RARB: variants seen among roughly 807,000 people sequenced by gnomAD.
RARB encodes the protein retinoic acid receptor beta.
In RARB, 17 loss-of-function variants were observed where a neutral mutation model predicts 51.9. The ratio of observed to expected loss-of-function variants is 0.33; its 90% CI spans 0.22 to 0.49. The LOEUF is 0.49. Among genes scored for constraint, RARB ranks in the 20% least tolerant of loss-of-function variants. The pLI, the probability that RARB is intolerant of heterozygous loss-of-function variation, is 0.99. For synonymous variants in RARB, 215 were observed against 195.4 expected (o/e 1.10, Z -0.84); for missense variants, 369 against 550.8 (o/e 0.67, Z 3.30).
intron 5 of RARB, among the ~76,000 whole-genome samples, chr3:25,203,703 C>A (rs1480147209): frequency 6.6e-6 from 1 of 152,122 alleles, no homozygotes; most frequent in Non-Finnish European, 1.5e-5. Context: ...CTTAGTTTGG[C>A]TGGATATGAA....
At chr3:25,126,139 CT>C (rs1699856092) in intron 3 of RARB, among the ~76,000 whole-genome samples, 1 of 152,080 alleles carries the variant, frequency 6.6e-6, no homozygotes, top group Admixed American at 6.6e-5. Flanking sequence ...GCTCCTTTGC[CT>C]TTTTTTCATT....
intron 2 of RARB, among the ~76,000 whole-genome samples, chr3:25,017,378 T>TA (rs531591035): frequency 5.2e-4 from 77 of 147,506 alleles, no homozygotes; most frequent in African/African-American, 9.1e-4. Context: ...TCATCATGTT[T>TA]AAAAAAAAAA....
At chr3:25,562,538 G>A (rs2125680018) in intron 3 of RARB, among the ~76,000 whole-genome samples, 1 of 152,244 alleles carries the variant, frequency 6.6e-6, no homozygotes, top group East Asian at 1.9e-4. Flanking sequence ...AGCACCGCCG[G>A]GTATGAAGGA....
At chr3:25,445,516 A>G (rs1308679838) in intron 1 of RARB, among the ~76,000 whole-genome samples, 1 of 152,072 alleles carries the variant, frequency 6.6e-6, no homozygotes, top group Non-Finnish European at 1.5e-5. Flanking sequence ...AATACAAAAA[A>G]TTAACCTGGC....
At chr3:24,891,699 T>G (rs17015414) in intron 2 of RARB, among the ~76,000 whole-genome samples, 8,796 of 152,112 alleles carry the variant, frequency 0.058, 572 homozygotes, top group East Asian at 0.19. Flanking sequence ...CAGGGGACAT[T>G]AAAGAACAAG....
chr3:25,451,711 T>C (rs1436867316), intron 1 of RARB, among the ~76,000 whole-genome samples: 1 of 152,210 alleles, frequency 6.6e-6, no homozygotes, highest in Non-Finnish European at 1.5e-5. Context: ...TATTTCCCTT[T>C]TGGTTTTCTG....
intron 2 of RARB, among the ~76,000 whole-genome samples, chr3:24,957,002 G>C (rs1023732051): frequency 3.9e-5 from 6 of 152,190 alleles, no homozygotes; most frequent in African/African-American, 1.4e-4. Context: ...TTGAGGCAAA[G>C]GGGTGATCCT....
intron 2 of RARB, among the ~76,000 whole-genome samples, chr3:25,491,208 C>T (rs1031264060): frequency 3.9e-5 from 6 of 152,036 alleles, no homozygotes; most frequent in African/African-American, 9.7e-5. Flanking sequence ...TGTGCTGTTT[C>T]GAAGGAAATT....
intron 5 of RARB, among the ~76,000 whole-genome samples, chr3:25,282,296 C>A (rs916306034): frequency 7.2e-5 from 11 of 152,286 alleles, no homozygotes; most frequent in African/African-American, 2.6e-4. Context: ...TTTGCACTGA[C>A]CATTCCCTCT....
intron 2 of RARB, among the ~76,000 whole-genome samples, chr3:24,878,561 G>A (rs1232888030): frequency 6.6e-6 from 1 of 152,094 alleles, no homozygotes; most frequent in Non-Finnish European, 1.5e-5. Context: ...ATTGACATTT[G>A]GGGACAGGTA....
intron 5 of RARB, among the ~76,000 whole-genome samples, chr3:25,184,986 A>G (rs913914379): frequency 1.3e-5 from 2 of 152,220 alleles, no homozygotes; most frequent in Non-Finnish European, 2.9e-5. Flanking sequence ...TCCACTTACT[A>G]GCAAAAATCT....
At chr3:25,117,900 C>G (rs1043047753) in intron 3 of RARB, among the ~76,000 whole-genome samples, 2 of 152,122 alleles carry the variant, frequency 1.3e-5, no homozygotes, top group Non-Finnish European at 2.9e-5. Context: ...AATCAATAAA[C>G]AGATGAAGGA....
chr3:25,068,501 G>T (rs1298844470), intron 3 of RARB, among the ~76,000 whole-genome samples: 2 of 152,148 alleles, frequency 1.3e-5, no homozygotes, highest in East Asian at 1.9e-4. Flanking sequence ...TAAATAAAAA[G>T]ACTTAAATTA....
intron 5 of RARB, among the ~76,000 whole-genome samples, chr3:25,346,596 CTT>C (rs1705402135): frequency 6.6e-6 from 1 of 152,188 alleles, no homozygotes; most frequent in Admixed American, 6.5e-5. Context: ...TGGGACATCA[CTT>C]AAACTGTGCA....
rs1045441310 is a variant in RARB, at chr3:24,913,768, A to G, written c.-380+55016A>G. Reference sequence around the variant, plus strand: ...TCCCATATTTTGAACGTTTTTGGGGAAAAAGTTATCAAGATTAAGGATCAG... The same window carrying G: ...TCCCATATTTTGAACGTTTTTGGGGGAAAAGTTATCAAGATTAAGGATCAG... On this transcript the variant is annotated intron_variant, in intron 2 of 11. Transcript: ENST00000383772. 2.6e-5 allele frequency among the ~76,000 whole-genome samples: 4 copies of G among 152,296 alleles called. No homozygotes were observed. In the East Asian group the frequency reaches 7.7e-4, roughly 29 times the overall value.
chr3:24,947,139 T>C (rs1183119461), intron 2 of RARB, among the ~76,000 whole-genome samples: 2 of 152,168 alleles, frequency 1.3e-5, no homozygotes, highest in African/African-American at 4.8e-5. Flanking sequence ...ATGTCTACAC[T>C]GAGCCAAGAG....
chr3:25,167,512 A>T (rs1052475113), intron 4 of RARB, among the ~76,000 whole-genome samples: 14 of 152,186 alleles, frequency 9.2e-5, no homozygotes, highest in African/African-American at 3.4e-4. Flanking sequence ...CTAGCAGTGG[A>T]ATCTTGGCCA....
intron 2 of RARB, among the ~76,000 whole-genome samples, chr3:25,019,317 C>A (rs1697578348): frequency 6.6e-6 from 1 of 151,928 alleles, no homozygotes; most frequent in South Asian, 2.1e-4. Context: ...ACCAGAAAAG[C>A]CAGTATGGTT....
At chr3:25,552,044 C>T (rs1331334104) in intron 3 of RARB, among the ~76,000 whole-genome samples, 7 of 152,096 alleles carry the variant, frequency 4.6e-5, no homozygotes, top group Admixed American at 4.6e-4. Flanking sequence ...ACTGAGCTGG[C>T]CCTTTTTTTA....
Sources: gnomAD v4.1 joint callset for allele counts (sites outside exome capture counted in the v4.1 genomes callset) on GRCh38, gnomAD v4.1.1 for gene constraint, MANE v1.5 for transcripts, NCBI Gene and HGNC (gene_info 2026-07-23, HGNC 2026-07-21) for gene names.